SLIT3: variants seen among roughly 807,000 people sequenced by gnomAD.
SLIT3 encodes slit guidance ligand 3, also known as slit homolog 3 protein.
A neutral mutation model predicts 184.0 loss-of-function variants in SLIT3; 68 were observed. The observed-to-expected ratio is 0.37, with a 90% CI of 0.30 to 0.45. The LOEUF (loss-of-function observed/expected upper bound fraction) is 0.45, where lower values mean the gene tolerates loss of function less well. Among genes scored for constraint, SLIT3 ranks in the 20% least tolerant of loss-of-function variants. The pLI is 1.00. For missense variants in SLIT3, 1,707 were observed against 2,026.0 expected, an observed-to-expected ratio of 0.84 and a Z score of 3.02; for synonymous variants, 831 against 828.6, an observed-to-expected ratio of 1.00 and a Z score of -0.05.
At chr5:168,979,122 T>C (rs1754864900) in intron 4 of SLIT3, among the ~76,000 whole-genome samples, 1 of 152,204 alleles carries the variant, frequency 6.6e-6, no homozygotes, top group African/African-American at 2.4e-5. Context: ...AGGCTCATCC[T>C]GGGAAAACTG....
intron 4 of SLIT3, among the ~76,000 whole-genome samples, chr5:169,123,420 A>G (rs1022527873): frequency 6.6e-6 from 1 of 152,132 alleles, no homozygotes; most frequent in Non-Finnish European, 1.5e-5. Context: ...TAAACCAGCT[A>G]GATCAATTTT....
intron 1 of SLIT3, among the ~76,000 whole-genome samples, chr5:169,266,899 G>A (rs1327588963): frequency 6.6e-6 from 1 of 152,124 alleles, no homozygotes; most frequent in Non-Finnish European, 1.5e-5. Context: ...ACTGGCTTTG[G>A]ATCCTAACAC....
chr5:168,905,862 C>G (rs1342675538), intron 4 of SLIT3, among the ~76,000 whole-genome samples: 2 of 152,178 alleles, frequency 1.3e-5, no homozygotes, highest in Non-Finnish European at 2.9e-5. Flanking sequence ...GATGTCTAGA[C>G]TTTTTGACTT....
chr5:169,279,469 T>C (rs945870356), intron 1 of SLIT3, among the ~76,000 whole-genome samples: 4 of 152,246 alleles, frequency 2.6e-5, no homozygotes, highest in African/African-American at 9.6e-5. Flanking sequence ...TATGCATACA[T>C]ACAGAAAAGG....
chr5:168,841,845 G>A (rs1448032503), intron 6 of SLIT3, among the ~76,000 whole-genome samples: 1 of 152,136 alleles, frequency 6.6e-6, no homozygotes, highest in African/African-American at 2.4e-5. Flanking sequence ...TCTACTTCAT[G>A]CTGCCTAATG....
chr5:169,189,300 A>C (rs879363617), intron 4 of SLIT3, among the ~76,000 whole-genome samples: 22 of 151,972 alleles, frequency 1.4e-4, no homozygotes, highest in Admixed American at 1.4e-3. Context: ...TGCCCACGGT[A>C]ATTAGCATGG....
chr5:169,198,716 G>C (rs1056828538), intron 3 of SLIT3, among the ~76,000 whole-genome samples: 18 of 152,006 alleles, frequency 1.2e-4, no homozygotes, highest in Non-Finnish European at 1.6e-4. Context: ...GGCAGATCAC[G>C]AGGTCAGGAG....
At chr5:169,230,622 G>T (rs1424772606) in intron 3 of SLIT3, among the ~76,000 whole-genome samples, 1 of 152,132 alleles carries the variant, frequency 6.6e-6, no homozygotes, top group Non-Finnish European at 1.5e-5. Flanking sequence ...GTTGCACTCC[G>T]CATTAAAATT....
intron 1 of SLIT3, among the ~76,000 whole-genome samples, chr5:169,297,473 C>A (rs757218312): frequency 2.0e-5 from 3 of 152,308 alleles, no homozygotes; most frequent in South Asian, 4.1e-4. Context: ...AAGCAATATA[C>A]ACAGACACAC....
At chr5:169,009,847 A>C (rs560506174) in intron 4 of SLIT3, among the ~76,000 whole-genome samples, 40 of 152,358 alleles carry the variant, frequency 2.6e-4, no homozygotes, top group African/African-American at 9.4e-4. Flanking sequence ...CATAATTTTA[A>C]TGATGGCTGG....
At chr5:169,125,979 C>T (rs1032648930) in intron 4 of SLIT3, among the ~76,000 whole-genome samples, 43 of 152,134 alleles carry the variant, frequency 2.8e-4, no homozygotes, top group Admixed American at 6.5e-5. Flanking sequence ...GATCACACTC[C>T]TCAGGAACTT....
At chr5:169,045,041 C>T (rs1176663241) in intron 4 of SLIT3, among the ~76,000 whole-genome samples, 1 of 152,180 alleles carries the variant, frequency 6.6e-6, no homozygotes, top group Non-Finnish European at 1.5e-5. Flanking sequence ...TGAAGCAGCA[C>T]CAGAGATGCG....
intron 3 of SLIT3, among the ~76,000 whole-genome samples, chr5:169,226,519 G>T (rs922103707): frequency 6.6e-6 from 1 of 152,122 alleles, no homozygotes; most frequent in African/African-American, 2.4e-5. Flanking sequence ...AACAAATTGG[G>T]TGCCTTCGCC....
chr5:169,053,604 T>C (rs1209653928), intron 4 of SLIT3, among the ~76,000 whole-genome samples: 1 of 152,194 alleles, frequency 6.6e-6, no homozygotes, highest in African/African-American at 2.4e-5. Context: ...TCTGGGAATC[T>C]TTCTAGATTA....
intron 4 of SLIT3, among the ~76,000 whole-genome samples, chr5:168,939,128 A>ATTCTC (rs1762254819): frequency 1.3e-5 from 2 of 152,280 alleles, no homozygotes; most frequent in Non-Finnish European, 1.5e-5. Flanking sequence ...CACAGACTAA[A>ATTCTC]AGAACCCAAT....
At chr5:169,197,569 G>A (rs1390787433) in intron 3 of SLIT3, among the ~76,000 whole-genome samples, 1 of 152,172 alleles carries the variant, frequency 6.6e-6, no homozygotes, top group Non-Finnish European at 1.5e-5. Context: ...CATGCCATCT[G>A]CTGTTCTGTT....
intron 4 of SLIT3, among the ~76,000 whole-genome samples, chr5:169,116,108 G>A (rs1760652849): frequency 1.3e-5 from 2 of 152,124 alleles, no homozygotes; most frequent in Non-Finnish European, 2.9e-5. Context: ...TGAGAGATGA[G>A]GATATGGAGA....
At chr5:169,092,348 G>A (rs1300391120) in intron 4 of SLIT3, among the ~76,000 whole-genome samples, 1 of 152,190 alleles carries the variant, frequency 6.6e-6, no homozygotes, top group Non-Finnish European at 1.5e-5. Context: ...CATGAGGAGT[G>A]GCAGTGTTTC....
intron 5 of SLIT3, among the ~76,000 whole-genome samples, chr5:168,865,701 C>G (rs1263599623): frequency 1.3e-5 from 2 of 152,138 alleles, no homozygotes; most frequent in Non-Finnish European, 2.9e-5. Flanking sequence ...TAGATTAAAT[C>G]TCAATAAAGT....
Sources: allele counts gnomAD v4.1 joint callset (sites outside exome capture counted in the v4.1 genomes callset), GRCh38; gene constraint gnomAD v4.1.1; transcripts MANE v1.5; gene names NCBI Gene and HGNC (gene_info 2026-07-23, HGNC 2026-07-21).